CPA6: variants seen among roughly 807,000 people sequenced by gnomAD.
The protein encoded by CPA6 is carboxypeptidase B.
CPA6 carries 58 observed loss-of-function variants against 63.3 expected under a neutral mutation model. The ratio of observed to expected loss-of-function variants is 0.92; its 90% confidence interval spans 0.74 to 1.14. The LOEUF is 1.14. Ranked by LOEUF, CPA6 falls within the 50% of genes most tolerant of loss-of-function variation. The probability of loss-of-function intolerance (pLI) is 0.00; values close to 1 mark genes in which losing one functional copy is unlikely to be tolerated. For missense variants in CPA6, 565 were observed against 526.6 expected, an observed-to-expected ratio of 1.07 and a Z score of -0.71; for synonymous variants, 185 against 179.0, an observed-to-expected ratio of 1.03 and a Z score of -0.27.
chr8:67,721,703 G>A (rs1219952676), intron 1 of CPA6, among the ~76,000 whole-genome samples: 1 of 151,498 alleles, frequency 6.6e-6, no homozygotes, highest in Non-Finnish European at 1.5e-5. Flanking sequence ...TCTCAAAAGT[G>A]GGAAAAAAAC....
chr8:67,495,153 CTTTCCTT>C (rs140083186), intron 6 of CPA6, among the ~76,000 whole-genome samples: 3,252 of 152,248 alleles, frequency 0.021, 114 homozygotes, highest in African/African-American at 0.073. Flanking sequence ...GTGTTGGGTA[CTTTCCTT>C]CAGACTAATG....
intron 1 of CPA6, among the ~76,000 whole-genome samples, chr8:67,634,916 C>G (rs939036881): frequency 6.6e-6 from 1 of 151,410 alleles, no homozygotes; most frequent in African/African-American, 2.5e-5. Context: ...TAGAAATGGT[C>G]TCACTCTGTT....
intron 2 of CPA6, among the ~76,000 whole-genome samples, chr8:67,540,556 C>T (rs1217283655): frequency 1.3e-5 from 2 of 152,260 alleles, no homozygotes; most frequent in African/African-American, 4.8e-5. Flanking sequence ...CTGCTTCTCT[C>T]TTCAGAGCTG....
rs1563979852 is a variant in CPA6, at chr8:67,506,805, AC to A, written c.617del (p.Cys206PhefsTer5). ...AACTTACTTCTTTTACAAACCACTGACAAAAGGCAGGACCAATCCATTCTCT... is the reference window on the plus strand; with the variant it reads ...AACTTACTTCTTTTACAAACCACTGAAAAAGGCAGGACCAATCCATTCTCT... ...HAREWIGPAF[C>X]QWFVKEALLT... On this transcript the variant is annotated frameshift_variant, in exon 6 of 11. Coordinates refer to ENST00000297770, the MANE Select transcript of CPA6 (RefSeq NM_020361.5). 3.7e-6 allele frequency: 6 copies of A among 1,612,008 alleles called. No homozygotes were observed. Among genetic ancestry groups the A allele is most frequent in the Non-Finnish European group, 5.1e-6 (6 of 1,178,166 alleles).
intron 4 of CPA6, 79 bp downstream of exon 4, chr8:67,511,462 A>T: frequency 1.2e-6 from 1 of 800,428 alleles, no homozygotes; most frequent in Non-Finnish European, 2.2e-6. Flanking sequence ...GAAGCATAAA[A>T]CACATAATTT....
intron 8 of CPA6, among the ~76,000 whole-genome samples, chr8:67,476,566 T>TTTG (rs1554666672): frequency 6.7e-6 from 1 of 150,092 alleles, no homozygotes; most frequent in African/African-American, 2.5e-5. Flanking sequence ...TTTTTTTTTT[T>TTTG]GTCTATTTCA....
chr8:67,554,710 T>C (rs752289005), intron 2 of CPA6, among the ~76,000 whole-genome samples: 2 of 152,208 alleles, frequency 1.3e-5, no homozygotes, highest in African/African-American at 2.4e-5. Context: ...TGGGGGCTGT[T>C]GGTGTGAGTC....
At chr8:67,745,175 G>A (rs936337282) in intron 1 of CPA6, among the ~76,000 whole-genome samples, 3 of 152,184 alleles carry the variant, frequency 2.0e-5, no homozygotes, top group African/African-American at 7.2e-5. Context: ...GTAAGACACT[G>A]AGTTTACTCC....
At chr8:67,714,929 A>C (rs1240481794) in intron 1 of CPA6, among the ~76,000 whole-genome samples, 1 of 152,194 alleles carries the variant, frequency 6.6e-6, no homozygotes, top group Non-Finnish European at 1.5e-5. Flanking sequence ...GCCCAGACTA[A>C]ACCAAGCAAC....
intron 2 of CPA6, among the ~76,000 whole-genome samples, chr8:67,590,230 T>C (rs1214156936): frequency 6.6e-6 from 1 of 151,916 alleles, no homozygotes; most frequent in South Asian, 2.1e-4. Context: ...CATCATTTTT[T>C]ATGGCTGCAT....
chr8:67,729,335 A>G (rs965937673), intron 1 of CPA6, among the ~76,000 whole-genome samples: 1 of 152,170 alleles, frequency 6.6e-6, no homozygotes, highest in Non-Finnish European at 1.5e-5. Flanking sequence ...AAAAGCCCTA[A>G]TTTTTCAGAG....
intron 8 of CPA6, among the ~76,000 whole-genome samples, chr8:67,446,846 T>G (rs1181768547): frequency 6.6e-6 from 1 of 152,178 alleles, no homozygotes; most frequent in Non-Finnish European, 1.5e-5. Flanking sequence ...TGACCCATGT[T>G]AAAAACTGAG....
At chr8:67,723,041 C>T (rs1207863845) in intron 1 of CPA6, among the ~76,000 whole-genome samples, 2 of 152,044 alleles carry the variant, frequency 1.3e-5, no homozygotes, top group African/African-American at 2.4e-5. Flanking sequence ...ACATATTACT[C>T]TCAAACTCTA....
At chr8:67,720,023 T>C (rs1398970252) in intron 1 of CPA6, among the ~76,000 whole-genome samples, 1 of 151,896 alleles carries the variant, frequency 6.6e-6, no homozygotes, top group African/African-American at 2.4e-5. Flanking sequence ...CAATAAAGCT[T>C]TTAATCACCT....
chr8:67,558,315 C>T (rs552825649), intron 2 of CPA6, among the ~76,000 whole-genome samples: 3 of 152,258 alleles, frequency 2.0e-5, no homozygotes, highest in East Asian at 1.9e-4. Flanking sequence ...TTATTTCTTT[C>T]GTAGCCTTTA....
intron 1 of CPA6, among the ~76,000 whole-genome samples, chr8:67,627,348 G>A (rs1407515383): frequency 2.0e-5 from 3 of 152,170 alleles, no homozygotes; most frequent in African/African-American, 4.8e-5. Flanking sequence ...GGAAGTTTCA[G>A]GTAGTCTACT....
intron 2 of CPA6, among the ~76,000 whole-genome samples, chr8:67,598,976 T>C (rs578095137): frequency 6.6e-6 from 1 of 152,220 alleles, no homozygotes; most frequent in Admixed American, 6.5e-5. Context: ...AATTTATAAA[T>C]CTGGTAAAAA....
chr8:67,503,577 G>A (rs1190389705), intron 6 of CPA6, among the ~76,000 whole-genome samples: 1 of 151,378 alleles, frequency 6.6e-6, no homozygotes, highest in African/African-American at 2.4e-5. Flanking sequence ...CGAAGTGCTG[G>A]GATTACAGGT....
intron 2 of CPA6, among the ~76,000 whole-genome samples, chr8:67,623,545 T>C (rs886807554): frequency 6.6e-6 from 1 of 152,022 alleles, no homozygotes; most frequent in African/African-American, 2.4e-5. Context: ...GACCCTCCCA[T>C]CTCAGCCTCT....
Sources: gnomAD v4.1 joint callset for allele counts (sites outside exome capture counted in the v4.1 genomes callset) on GRCh38, gnomAD v4.1.1 for gene constraint, MANE v1.5 for transcripts, NCBI Gene and HGNC (gene_info 2026-07-23, HGNC 2026-07-21) for gene names.